PDE3B: variants seen among roughly 807,000 people sequenced by gnomAD.
The protein encoded by PDE3B is cGMP-inhibited 3',5'-cyclic phosphodiesterase 3B.
A neutral mutation model predicts 116.8 loss-of-function variants in PDE3B; 66 were observed. That is an observed-to-expected ratio of 0.56 (90% CI 0.46 to 0.69). The LOEUF is 0.69. Ranked by LOEUF, PDE3B falls within the 30% of genes least tolerant of loss-of-function variation. The probability of loss-of-function intolerance (pLI) is 0.00; values close to 1 mark genes in which losing one functional copy is unlikely to be tolerated. For synonymous variants in PDE3B, 595 were observed against 533.6 expected (o/e 1.12, Z -1.59); for missense variants, 1,384 against 1,368.1 (o/e 1.01, Z -0.18).
chr11:14,673,696 A>G (rs890236709), intron 1 of PDE3B: 1 of 743,300 alleles, frequency 1.3e-6, no homozygotes, highest in Non-Finnish European at 2.5e-6. Context: ...TAATTCAGTA[A>G]TTAAGCAAGG....
chr11:14,836,158 C>G (rs1388351566), intron 11 of PDE3B, among the ~76,000 whole-genome samples: 1 of 152,018 alleles, frequency 6.6e-6, no homozygotes, highest in Non-Finnish European at 1.5e-5. Context: ...TCCACCAGTC[C>G]TGTGCTTTTA....
Position 14,806,037 on chromosome 11 carries a change from G to T in PDE3B, c.1522+1987G>T, listed in dbSNP as rs185683837. Among the ~76,000 whole-genome samples the T allele has an allele frequency of 3.0e-4, 46 of 152,332 alleles. No individual in the cohort carries two copies. In the South Asian group the frequency reaches 4.1e-3, roughly 14 times the overall value. ...GGAGAAATAGGAAGGCTTTTACACA[G>T]TTGGTGGGACTGTAAATTAGTTCAA... On this transcript the variant is annotated intron_variant, in intron 5 of 15. Transcript: ENST00000282096.
intron 2 of PDE3B, chr11:14,773,436 C>A (rs1225096994): frequency 2.0e-5 from 3 of 151,912 alleles, no homozygotes; most frequent in African/African-American, 4.8e-5. Flanking sequence ...TCATAATGTT[C>A]TTGGCATTAT....
At position 14,644,561 on chromosome 11, in the gene PDE3B, C is replaced by T. The variant is rs368832959; in HGVS notation, c.486C>T (p.Tyr162=). The change falls in exon 1 of 16, where the codon TAC becomes TAT. Residue 162 remains tyrosine (Y), a synonymous_variant. Transcript: ENST00000282096. ...WWLLALPACC[Y]LGDFLVWQWW... ...TGCTGGCGCTGCCCGCCTGCTGTTACCTGGGGGACTTCTTGGTGTGGCAGT... is the reference window on the plus strand; with the variant it reads ...TGCTGGCGCTGCCCGCCTGCTGTTATCTGGGGGACTTCTTGGTGTGGCAGT... 3.2e-4 allele frequency: 513 copies of T among 1,596,618 alleles called. No homozygotes were observed. The highest frequency in any genetic ancestry group is 3.3e-4 in the Admixed American group (19 of 57,462).
chr11:14,858,700 T>A (rs1847892614), intron 12 of PDE3B, among the ~76,000 whole-genome samples: 1 of 152,208 alleles, frequency 6.6e-6, no homozygotes, highest in Admixed American at 6.5e-5. Flanking sequence ...CAGAAGTTTA[T>A]CTGAGAAGGT....
At chr11:14,740,628 T>C (rs1416486121) in intron 1 of PDE3B, among the ~76,000 whole-genome samples, 1 of 152,230 alleles carries the variant, frequency 6.6e-6, no homozygotes, top group Non-Finnish European at 1.5e-5. Flanking sequence ...CTTAGTTATT[T>C]CTGGTCTTCT....
chr11:14,856,578 G>T (rs1450099022), intron 12 of PDE3B, among the ~76,000 whole-genome samples: 1 of 151,996 alleles, frequency 6.6e-6, no homozygotes, highest in South Asian at 2.1e-4. Context: ...TAGTTGGCCA[G>T]GTGTGGTGGC....
rs113954613 is a variant in PDE3B, at chr11:14,736,827, G to T, written c.979-35110G>T. The stretch of plus-strand genomic sequence containing the variant: ...CATTGACCTTAGAAAAGATTAAAGG[G>T]GTGGGTTTTGATCATCTGAGAGAGA... On this transcript the variant is annotated intron_variant, in intron 1 of 15. Coordinates refer to ENST00000282096, the MANE Select transcript of PDE3B (RefSeq NM_000922.4). Among the ~76,000 whole-genome samples the T allele has an allele frequency of 1.2e-3, 177 of 152,236 alleles. 2 individuals are homozygous for T. In the East Asian group the frequency reaches 0.023, roughly 19 times the overall value.
intron 5 of PDE3B, among the ~76,000 whole-genome samples, chr11:14,806,190 C>T (rs147017471): frequency 4.6e-5 from 7 of 151,870 alleles, no homozygotes; most frequent in South Asian, 4.2e-4. Context: ...TGGTGGTGCA[C>T]GCCTGTAATC....
At chr11:14,872,887 A>G (rs1229365565), downstream of PDE3B, among the ~76,000 whole-genome samples, 1 of 152,170 alleles carries the variant, frequency 6.6e-6, no homozygotes, top group African/African-American at 2.4e-5. Flanking sequence ...AACTCCACAT[A>G]TAAGTGGACC....
chr11:14,712,475 T>C (rs1944413504), intron 1 of PDE3B, among the ~76,000 whole-genome samples: 1 of 137,204 alleles, frequency 7.3e-6, no homozygotes, highest in Admixed American at 7.3e-5. Flanking sequence ...TGTTTTTTTT[T>C]TTTTTTTTTT....
chr11:14,667,220 T>G, intron 1 of PDE3B, among the ~76,000 whole-genome samples: 4 of 145,274 alleles, frequency 2.8e-5, no homozygotes, highest in African/African-American at 5.2e-5. Flanking sequence ...CACTCATAGG[T>G]GGGAATTGAA....
At chr11:14,836,417 T>A (rs905717965) in intron 11 of PDE3B, among the ~76,000 whole-genome samples, 1 of 152,188 alleles carries the variant, frequency 6.6e-6, no homozygotes, top group Non-Finnish European at 1.5e-5. Context: ...TTTGTATTAA[T>A]CCTGCCTGAT....
intron 1 of PDE3B, among the ~76,000 whole-genome samples, chr11:14,730,612 C>T (rs1370442238): frequency 6.6e-6 from 1 of 152,120 alleles, no homozygotes; most frequent in Non-Finnish European, 1.5e-5. Flanking sequence ...TTAGTTATTA[C>T]TTTAACAAGT....
intron 11 of PDE3B, among the ~76,000 whole-genome samples, chr11:14,835,696 T>C (rs962027493): frequency 6.6e-6 from 1 of 152,174 alleles, no homozygotes; most frequent in Non-Finnish European, 1.5e-5. Flanking sequence ...TGGTGACTCA[T>C]GCCTATAATC....
Position 14,786,434 on chromosome 11 carries a change from TAGAA to T in PDE3B, c.1030-2_1031del, listed in dbSNP as rs1261129761. ...ATGAAAATTTCACTTTTTTTCTTTC[TAGAA>T]TTCTGGAGGTGGAAATGGAGTTGAT... On this transcript the variant is annotated splice_acceptor_variant and coding_sequence_variant, in exon 3 of 16. Transcript: ENST00000282096. LOFTEE classifies it high-confidence loss of function. 1.2e-6 allele frequency: 2 copies of T among 1,608,408 alleles called. No individual in the cohort carries two copies. The highest frequency in any genetic ancestry group is 1.3e-5 in the African/African-American group (1 of 74,794).
At chr11:14,855,308 G>T (rs1344134385) in intron 12 of PDE3B, among the ~76,000 whole-genome samples, 1 of 151,194 alleles carries the variant, frequency 6.6e-6, no homozygotes, top group African/African-American at 2.4e-5. Flanking sequence ...ACCACACATA[G>T]CACATCATGG....
intron 1 of PDE3B, among the ~76,000 whole-genome samples, chr11:14,656,116 T>C (rs1200034177): frequency 2.6e-5 from 4 of 152,010 alleles, no homozygotes; most frequent in African/African-American, 7.2e-5. Flanking sequence ...AAAGCCCTGG[T>C]GATTGGAAAA....
chr11:14,700,972 A>C (rs1464626906), intron 1 of PDE3B: 1 of 151,608 alleles, frequency 6.6e-6, no homozygotes, highest in Non-Finnish European at 1.5e-5. Context: ...CCTTGCTAGG[A>C]TTATTGATTT....
Sources: gnomAD v4.1 joint callset for allele counts (sites outside exome capture counted in the v4.1 genomes callset) on GRCh38, gnomAD v4.1.1 for gene constraint, MANE v1.5 for transcripts, NCBI Gene and HGNC (gene_info 2026-07-23, HGNC 2026-07-21) for gene names.